The following C10orf143 variants were observed in gnomAD, a reference collection of about 807,000 sequenced individuals.
C10orf143 encodes uncharacterized protein C10orf143.
intron 2 of C10orf143, 37 bp downstream of exon 2, chr10:130,079,700 C>T (rs928848215): frequency 3.0e-5 from 12 of 398,662 alleles, no homozygotes; most frequent in Admixed American, 2.2e-4. Flanking sequence ...AATATTTCAA[C>T]ATGCTCACAA....
At chr10:130,096,111 AC>A (rs1861457617) in intron 1 of C10orf143, among the ~76,000 whole-genome samples, 1 of 152,080 alleles carries the variant, frequency 6.6e-6, no homozygotes, top group Non-Finnish European at 1.5e-5. Flanking sequence ...AAAATAAACA[AC>A]CCCATCAGAA....
At chr10:130,036,557 G>A (rs1348263666) in intron 3 of C10orf143, among the ~76,000 whole-genome samples, 1 of 152,182 alleles carries the variant, frequency 6.6e-6, no homozygotes, top group Non-Finnish European at 1.5e-5. Flanking sequence ...AGCTCTGCCT[G>A]GAGCCTCCAC....
intron 1 of C10orf143, chr10:130,104,144 G>C (rs576022120): frequency 6.6e-6 from 1 of 152,188 alleles, no homozygotes; most frequent in Non-Finnish European, 1.5e-5. Flanking sequence ...CAGGATAAAC[G>C]TAAGCAAGGC....
At chr10:130,093,603 TC>T (rs1250532180) in intron 1 of C10orf143, among the ~76,000 whole-genome samples, 2 of 152,000 alleles carry the variant, frequency 1.3e-5, no homozygotes, top group African/African-American at 4.8e-5. Context: ...AAAAAACCCT[TC>T]AAAAAAATCA....
At chr10:130,107,059 A>G (rs545433131) in intron 1 of C10orf143, 2 of 1,465,648 alleles carry the variant, frequency 1.4e-6, no homozygotes, top group Non-Finnish European at 1.9e-6. Flanking sequence ...ATATCCAGTT[A>G]CCTGAAATTG....
chr10:130,094,154 T>A (rs1401539530), intron 1 of C10orf143, among the ~76,000 whole-genome samples: 1 of 151,888 alleles, frequency 6.6e-6, no homozygotes, highest in Non-Finnish European at 1.5e-5. Context: ...TGGATACATA[T>A]ACCCTCCCGA....
At chr10:130,084,215 G>A (rs776050810) in intron 1 of C10orf143, among the ~76,000 whole-genome samples, 2 of 152,136 alleles carry the variant, frequency 1.3e-5, no homozygotes, top group African/African-American at 2.4e-5. Context: ...TTGGGAGGCT[G>A]AGGCAGGAGA....
At chr10:130,108,101 G>A (rs1185874110) in intron 1 of C10orf143, 1 of 1,523,310 alleles carries the variant, frequency 6.6e-7, no homozygotes, top group South Asian at 1.1e-5. Flanking sequence ...TGCAGCAACT[G>A]GCCCTCGCTT....
At chr10:130,038,446 C>T (rs771493270) in intron 3 of C10orf143, among the ~76,000 whole-genome samples, 8 of 152,084 alleles carry the variant, frequency 5.3e-5, no homozygotes, top group Non-Finnish European at 1.2e-4. Flanking sequence ...CTTGGGGGCC[C>T]CTGGGATGAG....
At chr10:130,059,349 T>C (rs1174222424), downstream of C10orf143, among the ~76,000 whole-genome samples, 2 of 152,012 alleles carry the variant, frequency 1.3e-5, no homozygotes, top group African/African-American at 4.8e-5. Flanking sequence ...TGAAAAATAA[T>C]AAACTGGGAA....
chr10:130,061,651 T>G (rs1175211978), downstream of C10orf143, among the ~76,000 whole-genome samples: 1 of 152,158 alleles, frequency 6.6e-6, no homozygotes, highest in African/African-American at 2.4e-5. Context: ...TGTAAGAAAA[T>G]GTCTTTTTCC....
At chr10:130,072,664 C>T (rs889331081) in intron 3 of C10orf143, among the ~76,000 whole-genome samples, 14 of 152,042 alleles carry the variant, frequency 9.2e-5, no homozygotes, top group Non-Finnish European at 1.5e-5. Flanking sequence ...TATAAAATAA[C>T]TACAGGATAC....
chr10:130,074,597 C>G (rs1861085536), intron 3 of C10orf143, among the ~76,000 whole-genome samples: 1 of 152,144 alleles, frequency 6.6e-6, no homozygotes, highest in South Asian at 2.1e-4. Context: ...GTGTTCTCAG[C>G]CGTCACTGCA....
At chr10:130,098,276 T>C (rs183276056) in intron 1 of C10orf143, among the ~76,000 whole-genome samples, 1 of 151,910 alleles carries the variant, frequency 6.6e-6, no homozygotes, top group Non-Finnish European at 1.5e-5. Context: ...TGAGCTGAGA[T>C]CACACCACTG....
intron 3 of C10orf143, among the ~76,000 whole-genome samples, chr10:130,043,996 GGA>G (rs139473238): frequency 5.7e-4 from 85 of 148,898 alleles, no homozygotes; most frequent in Middle Eastern, 3.5e-3. Flanking sequence ...ACCATGGCAG[GGA>G]GAGAGAGAGA....
intron 3 of C10orf143, among the ~76,000 whole-genome samples, chr10:130,069,296 T>C (rs934285682): frequency 1.3e-5 from 2 of 152,232 alleles, no homozygotes; most frequent in African/African-American, 4.8e-5. Context: ...CAAAACCATG[T>C]GGCCACATAT....
At chr10:130,069,881 A>G (rs1861002614) in intron 3 of C10orf143, among the ~76,000 whole-genome samples, 2 of 150,888 alleles carry the variant, frequency 1.3e-5, no homozygotes, top group Admixed American at 6.6e-5. Flanking sequence ...TTATCACATT[A>G]TGCCAGCTAG....
chr10:130,049,317 GAACACTGT>G (rs1246386143), intron 3 of C10orf143, among the ~76,000 whole-genome samples: 1 of 152,204 alleles, frequency 6.6e-6, no homozygotes, highest in Non-Finnish European at 1.5e-5. Flanking sequence ...CCACTGGAGG[GAACACTGT>G]GCAGGGGCCC....
intron 3 of C10orf143, among the ~76,000 whole-genome samples, chr10:130,050,443 C>A (rs1261323961): frequency 1.3e-5 from 2 of 152,210 alleles, no homozygotes; most frequent in Non-Finnish European, 2.9e-5. Flanking sequence ...GTGGTCCCAG[C>A]TACATGGGAG....
Sources: gnomAD v4.1 joint callset for allele counts (sites outside exome capture counted in the v4.1 genomes callset) on GRCh38, gnomAD v4.1.1 for gene constraint, MANE v1.5 for transcripts, NCBI Gene and HGNC (gene_info 2026-07-23, HGNC 2026-07-21) for gene names.